DGKI: variants seen among roughly 807,000 people sequenced by gnomAD.
DGKI encodes the protein diacylglycerol kinase iota.
In DGKI, 55 loss-of-function variants were observed where a neutral mutation model predicts 147.5. The observed-to-expected ratio is 0.37, with a 90% CI of 0.30 to 0.47. The LOEUF (loss-of-function observed/expected upper bound fraction) is 0.47. Among genes scored for constraint, DGKI ranks in the 20% least tolerant of loss-of-function variants. The pLI, the probability that DGKI is intolerant of heterozygous loss-of-function variation, is 1.00. For synonymous variants in DGKI, 469 were observed against 477.1 expected (o/e 0.98, Z 0.22); for missense variants, 1,007 against 1,323.8 (o/e 0.76, Z 3.71).
chr7:137,830,763 T>C (rs974571764), intron 1 of DGKI, among the ~76,000 whole-genome samples: 5 of 152,228 alleles, frequency 3.3e-5, no homozygotes, highest in Non-Finnish European at 4.4e-5. Context: ...CCTCCAGAAC[T>C]ACAGTGTAAT....
At chr7:137,484,705 A>T (rs1815492353) in intron 23 of DGKI, among the ~76,000 whole-genome samples, 1 of 152,050 alleles carries the variant, frequency 6.6e-6, no homozygotes, top group African/African-American at 2.4e-5. Context: ...GCACCCCCAA[A>T]GTCTGCTGGG....
intron 1 of DGKI, among the ~76,000 whole-genome samples, chr7:137,823,260 G>A (rs1307949711): frequency 6.6e-6 from 1 of 152,178 alleles, no homozygotes. Flanking sequence ...TTGAGAATTA[G>A]AATGGAATTT....
chr7:137,550,696 C>T (rs151031646), intron 20 of DGKI, among the ~76,000 whole-genome samples: 1 of 152,266 alleles, frequency 6.6e-6, no homozygotes, highest in African/African-American at 2.4e-5. Context: ...AAACTAAATA[C>T]CTGAAAACCA....
chr7:137,434,547 C>G (rs184844864), intron 28 of DGKI, among the ~76,000 whole-genome samples: 7 of 152,320 alleles, frequency 4.6e-5, no homozygotes, highest in Admixed American at 3.3e-4. Context: ...TGCCACTGCA[C>G]TCCAGCCTGG....
chr7:137,663,086 A>C (rs1822502113), intron 3 of DGKI, among the ~76,000 whole-genome samples: 2 of 152,254 alleles, frequency 1.3e-5, no homozygotes, highest in African/African-American at 4.8e-5. Flanking sequence ...CATATGGCTG[A>C]AACAATCTGT....
intron 18 of DGKI, among the ~76,000 whole-genome samples, chr7:137,571,856 CAGA>C (rs1272625647): frequency 1.4e-4 from 21 of 152,010 alleles, no homozygotes; most frequent in East Asian, 1.2e-3. Context: ...CAAGAAAAGA[CAGA>C]AGAAGGACAA....
At chr7:137,426,050 G>A (rs569790561) in intron 28 of DGKI, among the ~76,000 whole-genome samples, 32 of 152,146 alleles carry the variant, frequency 2.1e-4, no homozygotes, top group Non-Finnish European at 3.8e-4. Flanking sequence ...TACAGAGAAC[G>A]CCACAAAGAT....
chr7:137,594,101 C>T (rs968094862), intron 12 of DGKI, among the ~76,000 whole-genome samples: 1 of 152,206 alleles, frequency 6.6e-6, no homozygotes, highest in Non-Finnish European at 1.5e-5. Flanking sequence ...GGCTGGAGTG[C>T]AGTAGCACAA....
rs60719355 is a variant in DGKI, at chr7:137,569,728, C to CAAAAAAAAAAAAAA, written c.1947+1433_1947+1446dup. Among the ~76,000 whole-genome samples, 21 of 64,616 alleles carry CAAAAAAAAAAAAAA rather than the reference C, an allele frequency of 3.2e-4. 2 individuals are homozygous for CAAAAAAAAAAAAAA. Among genetic ancestry groups the CAAAAAAAAAAAAAA allele is most frequent in the Non-Finnish European group, 5.5e-4 (19 of 34,854 alleles). The allele number at this position is 64,616 out of a possible 152,430, so 42.4% of individuals were successfully genotyped here. A position where few individuals can be genotyped will look rare whatever the true frequency, so the allele number is the denominator to read the frequency against. ...TGGGCAACAGAGTGAGACTCTGTCT[C>CAAAAAAAAAAAAAA]AAAAAAAAAAAAAAAAAAAAAAAAA... On this transcript the variant is annotated intron_variant, in intron 19 of 32. Coordinates refer to ENST00000614521, the MANE Select transcript of DGKI (RefSeq NM_001321708.2).
chr7:137,579,435 G>T (rs1177468669), intron 15 of DGKI, among the ~76,000 whole-genome samples: 2 of 83,262 alleles, frequency 2.4e-5, no homozygotes, highest in Non-Finnish European at 4.4e-5. Flanking sequence ...AACAGAAACA[G>T]TAAAAAAAAA....
At chr7:137,412,636 C>T (rs1260536650) in intron 28 of DGKI, among the ~76,000 whole-genome samples, 2 of 152,148 alleles carry the variant, frequency 1.3e-5, no homozygotes, top group Non-Finnish European at 2.9e-5. Context: ...GGAGTAACTG[C>T]CTAATCATGA....
At chr7:137,485,489 T>C in intron 22 of DGKI, 71 bp from the exon 23 acceptor site, 7 of 1,131,228 alleles carry the variant, frequency 6.2e-6, no homozygotes, top group Non-Finnish European at 9.0e-6. Flanking sequence ...CAACTCAATC[T>C]CAACTGAACT....
chr7:137,514,080 G>A (rs879246912), intron 21 of DGKI: 45 of 565,986 alleles, frequency 8.0e-5, no homozygotes, highest in South Asian at 3.9e-4. Flanking sequence ...CCCTCTGATC[G>A]CCGATCACCT....
chr7:137,529,724 A>G (rs1380803508), intron 20 of DGKI, among the ~76,000 whole-genome samples: 1 of 152,174 alleles, frequency 6.6e-6, no homozygotes, highest in Non-Finnish European at 1.5e-5. Context: ...CGTTGATCCA[A>G]TTCTGGAATT....
At chr7:137,399,015 T>TC (rs1554396009) in intron 30 of DGKI, among the ~76,000 whole-genome samples, 9 of 146,582 alleles carry the variant, frequency 6.1e-5, no homozygotes, top group African/African-American at 2.2e-4. Context: ...TTTTTTTTTT[T>TC]CACAAAAGCT....
chr7:137,725,514 TG>T (rs1275100281), intron 1 of DGKI, among the ~76,000 whole-genome samples: 1 of 151,966 alleles, frequency 6.6e-6, no homozygotes, highest in Non-Finnish European at 1.5e-5. Flanking sequence ...TGGGGCTTGC[TG>T]GGAAATGTCC....
chr7:137,486,454 G>A (rs1279237286), intron 22 of DGKI, among the ~76,000 whole-genome samples: 1 of 152,038 alleles, frequency 6.6e-6, no homozygotes, highest in Non-Finnish European at 1.5e-5. Context: ...ATTATTTTGG[G>A]AAATGAGATA....
At chr7:137,462,137 TGA>T (rs1814468950) in intron 27 of DGKI, among the ~76,000 whole-genome samples, 1 of 152,184 alleles carries the variant, frequency 6.6e-6, no homozygotes, top group Non-Finnish European at 1.5e-5. Context: ...ATTGGTTTAC[TGA>T]GTTTTTACTC....
chr7:137,843,829 T>C (rs531913382), intron 1 of DGKI, among the ~76,000 whole-genome samples: 1 of 151,514 alleles, frequency 6.6e-6, no homozygotes, highest in South Asian at 2.1e-4. Context: ...TTTTTGCCTG[T>C]CAAGTTTCAT....
Sources: gnomAD v4.1 joint callset for allele counts (sites outside exome capture counted in the v4.1 genomes callset) on GRCh38, gnomAD v4.1.1 for gene constraint, MANE v1.5 for transcripts, NCBI Gene and HGNC (gene_info 2026-07-23, HGNC 2026-07-21) for gene names.